The following SOX5 variants were observed in gnomAD, a reference collection of about 807,000 sequenced individuals.
SOX5 encodes transcription factor SOX-5.
In SOX5, 9 loss-of-function variants were observed where a neutral mutation model predicts 92.0. That is an observed-to-expected ratio of 0.10 (90% CI 0.06 to 0.17). SOX5 has a LOEUF of 0.17. Ranked by LOEUF, SOX5 falls within the 10% of genes least tolerant of loss-of-function variation. SOX5 has a pLI of 1.00. For synonymous variants in SOX5, 344 were observed against 336.3 expected, an observed-to-expected ratio of 1.02 and a Z score of -0.25; for missense variants, 642 against 944.5, an observed-to-expected ratio of 0.68 and a Z score of 4.20.
At position 23,534,518 on chromosome 12, in the gene SOX5, G is replaced by T. The variant is rs764605440; in HGVS notation, c.1993C>A (p.Gln665Lys). Residue 665 changes from glutamine (Q) to lysine (K), a missense_variant, in exon 15 of 15, where the codon CAA (glutamine) becomes AAA (lysine). This residue lies in a region of SOX5 where 130 missense variants were observed against 140.6 expected (regional missense o/e 0.92). Coordinates refer to ENST00000451604, the MANE Select transcript of SOX5 (RefSeq NM_006940.6). ...GCAGTGGCAATGGGGATCTGTGCTT[G>T]TTGCCTGTCAAGAAAGGAATTTCCA... Reference protein sequence around the residue: ...EMRQYFNVGQQAQIPIATAGV... With the variant: ...EMRQYFNVGQKAQIPIATAGV... 6.2e-7 allele frequency: 1 copy of T among 1,607,964 alleles called. No individual in the cohort carries two copies. Among genetic ancestry groups the T allele is most frequent in the South Asian group, 1.1e-5 (1 of 90,918 alleles).
chr12:23,962,901 A>G (rs1947112885), intron 4 of SOX5, among the ~76,000 whole-genome samples: 1 of 152,176 alleles, frequency 6.6e-6, no homozygotes, highest in African/African-American at 2.4e-5. Flanking sequence ...AAGCAACCCG[A>G]ACATTTTGAT....
At chr12:24,321,304 A>G (rs1031623142) in intron 2 of SOX5, among the ~76,000 whole-genome samples, 1 of 152,236 alleles carries the variant, frequency 6.6e-6, no homozygotes, top group African/African-American at 2.4e-5. Flanking sequence ...ACCACAATTT[A>G]TATTTGTGTA....
At chr12:24,340,851 T>C (rs1006488716) in intron 2 of SOX5, among the ~76,000 whole-genome samples, 1 of 152,182 alleles carries the variant, frequency 6.6e-6, no homozygotes, top group African/African-American at 2.4e-5. Context: ...TGAAGGATTT[T>C]TTGTTGTTGT....
intron 4 of SOX5, among the ~76,000 whole-genome samples, chr12:23,746,249 A>G (rs1405908840): frequency 3.3e-5 from 5 of 152,144 alleles, no homozygotes; most frequent in Non-Finnish European, 5.9e-5. Flanking sequence ...GACATCCTTG[A>G]CTTTAAAAAA....
At chr12:23,686,293 T>C (rs1268359990) in intron 6 of SOX5, among the ~76,000 whole-genome samples, 2 of 152,230 alleles carry the variant, frequency 1.3e-5, no homozygotes, top group Non-Finnish European at 2.9e-5. Flanking sequence ...TTAATTTGGC[T>C]GAGGGCCAAT....
intron 4 of SOX5, among the ~76,000 whole-genome samples, chr12:23,956,139 T>C (rs181564662): frequency 4.6e-5 from 7 of 152,350 alleles, no homozygotes; most frequent in Admixed American, 2.0e-4. Flanking sequence ...TACATTTGTC[T>C]ATTCTCCATA....
At chr12:23,916,146 T>G (rs1455094051) in intron 1 of SOX5, among the ~76,000 whole-genome samples, 1 of 152,226 alleles carries the variant, frequency 6.6e-6, no homozygotes, top group African/African-American at 2.4e-5. Flanking sequence ...GCTATTTAGC[T>G]ACTGAAATAG....
chr12:24,058,224 C>T (rs745308857), intron 4 of SOX5, among the ~76,000 whole-genome samples: 21 of 152,224 alleles, frequency 1.4e-4, no homozygotes, highest in Non-Finnish European at 2.8e-4. Context: ...AATGGAGTCA[C>T]TCCATAACAA....
At chr12:24,396,319 C>CT (rs1959944883) in intron 1 of SOX5, among the ~76,000 whole-genome samples, 1 of 152,118 alleles carries the variant, frequency 6.6e-6, no homozygotes, top group Admixed American at 6.5e-5. Flanking sequence ...TATATCCAGA[C>CT]GGTCCATGTA....
At chr12:24,463,258 C>T (rs1438379292) in intron 1 of SOX5, among the ~76,000 whole-genome samples, 1 of 151,772 alleles carries the variant, frequency 6.6e-6, no homozygotes, top group Non-Finnish European at 1.5e-5. Context: ...AAATTTTTGC[C>T]CTAACTTTAT....
At chr12:23,857,821 C>G (rs1197880408) in intron 2 of SOX5, among the ~76,000 whole-genome samples, 2 of 151,976 alleles carry the variant, frequency 1.3e-5, no homozygotes, top group East Asian at 1.9e-4. Context: ...CAACCTCCCC[C>G]TCCCAGGTTC....
chr12:24,312,276 C>T (rs1949258305), intron 2 of SOX5, among the ~76,000 whole-genome samples: 1 of 152,180 alleles, frequency 6.6e-6, no homozygotes, highest in Admixed American at 6.5e-5. Context: ...CTCTCAAAAA[C>T]ACTCCAAGAG....
At chr12:24,372,851 C>T (rs61912575) in intron 1 of SOX5, among the ~76,000 whole-genome samples, 9,037 of 151,804 alleles carry the variant, frequency 0.06, 365 homozygotes, top group Non-Finnish European at 0.093. Flanking sequence ...GGTGCAGTGG[C>T]TCACGTCTGT....
intron 1 of SOX5, among the ~76,000 whole-genome samples, chr12:23,927,866 A>T (rs1240412971): frequency 2.6e-5 from 4 of 152,098 alleles, no homozygotes; most frequent in Admixed American, 6.6e-5. Flanking sequence ...CGCAAAACAT[A>T]GAGATCCTCA....
chr12:24,070,272 C>T (rs1370244149), intron 4 of SOX5, among the ~76,000 whole-genome samples: 1 of 152,132 alleles, frequency 6.6e-6, no homozygotes, highest in African/African-American at 2.4e-5. Flanking sequence ...CTAAATAAAG[C>T]TTGATTGGAA....
intron 1 of SOX5, among the ~76,000 whole-genome samples, chr12:24,406,468 T>C (rs1228951852): frequency 6.6e-6 from 1 of 152,154 alleles, no homozygotes; most frequent in Non-Finnish European, 1.5e-5. Context: ...TGAGCTACTT[T>C]TCCCCTCTTC....
chr12:23,722,589 T>C (rs879513615), intron 6 of SOX5, among the ~76,000 whole-genome samples: 1 of 152,226 alleles, frequency 6.6e-6, no homozygotes, highest in Non-Finnish European at 1.5e-5. Flanking sequence ...TTAACAACAA[T>C]GCTCTTTCTT....
At position 24,341,468 on chromosome 12, in the gene SOX5, C is replaced by T. The variant is rs570974217; in HGVS notation, c.-174+27095G>A. ...ACTCCACCTGGGTGACAGAACGAAA[C>T]CGTCTCAAAAATTAATAATAAATCA... is the stretch of plus-strand genomic sequence containing the variant. On this transcript the variant is annotated intron_variant, in intron 2 of 4. Coordinates refer to the SOX5 transcript ENST00000446891. Among the ~76,000 whole-genome samples the T allele has an allele frequency of 1.2e-3, 178 of 152,278 alleles. 1 individual carries two copies. The highest frequency in any genetic ancestry group is 4.1e-3 in the African/African-American group (172 of 41,544).
intron 1 of SOX5, among the ~76,000 whole-genome samples, chr12:24,507,009 C>T (rs1948855888): frequency 6.6e-6 from 1 of 151,728 alleles, no homozygotes; most frequent in East Asian, 1.9e-4. Context: ...CCAGGATGGT[C>T]TCGATTTCCT....
Sources: allele counts gnomAD v4.1 joint callset (sites outside exome capture counted in the v4.1 genomes callset), GRCh38; gene constraint gnomAD v4.1.1; regional missense constraint gnomAD v4.1.1; transcripts MANE v1.5; gene names NCBI Gene and HGNC (gene_info 2026-07-23, HGNC 2026-07-21).